The following C7orf78 variants were observed in gnomAD, a reference collection of about 807,000 sequenced individuals.
The protein encoded by C7orf78 is chromosome 7 open reading frame 78.
the C7orf78 span, chr7:12,496,365 T>G: frequency 2.6e-4 from 40 of 152,234 alleles, no homozygotes; most frequent in African/African-American, 9.6e-4. Context: ...TGTTTACATA[T>G]TAGAAAATTC....
At chr7:12,538,367 A>G in the C7orf78 span, 3 of 152,100 alleles carry the variant, frequency 2.0e-5, no homozygotes, top group Admixed American at 6.6e-5. Context: ...ACCTGTCTCA[A>G]TCACACTCCA....
At chr7:12,487,860 C>T in the C7orf78 span, among the ~76,000 whole-genome samples, 85,402 of 151,914 alleles carry the variant, frequency 0.56, 26,373 homozygotes, top group African/African-American at 0.81. Flanking sequence ...AATACTTGTG[C>T]AGTTATAACC....
At chr7:12,502,425 C>T in the C7orf78 span, among the ~76,000 whole-genome samples, 4 of 151,744 alleles carry the variant, frequency 2.6e-5, no homozygotes, top group African/African-American at 9.7e-5. Context: ...GGGTGAGGGA[C>T]ATGAACAGAC....
At chr7:12,511,303 G>A in the C7orf78 span, among the ~76,000 whole-genome samples, 24 of 152,200 alleles carry the variant, frequency 1.6e-4, no homozygotes, top group East Asian at 3.7e-3. Context: ...AATATGTTTT[G>A]AAGATAGGTA....
chr7:12,532,538 G>A, the C7orf78 span, among the ~76,000 whole-genome samples: 1 of 138,566 alleles, frequency 7.2e-6, no homozygotes, highest in Non-Finnish European at 1.5e-5. Context: ...GACAGAGTGA[G>A]ACTCTGTTTC....
the C7orf78 span, among the ~76,000 whole-genome samples, chr7:12,493,593 C>A: frequency 6.6e-6 from 1 of 152,120 alleles, no homozygotes; most frequent in African/African-American, 2.4e-5. Context: ...CTTTGAGAAC[C>A]GATTTAGTCA....
At chr7:12,537,458 A>G in the C7orf78 span, among the ~76,000 whole-genome samples, 2 of 152,228 alleles carry the variant, frequency 1.3e-5, no homozygotes, top group Non-Finnish European at 2.9e-5. Context: ...GTGGGGATAC[A>G]GCCAAACCAT....
chr7:12,520,317 A>G, the C7orf78 span, among the ~76,000 whole-genome samples: 1 of 152,266 alleles, frequency 6.6e-6, no homozygotes, highest in East Asian at 1.9e-4. Flanking sequence ...TCTAGTCAGC[A>G]TCTTGAAGCT....
At chr7:12,537,310 C>T in the C7orf78 span, among the ~76,000 whole-genome samples, 7 of 152,306 alleles carry the variant, frequency 4.6e-5, no homozygotes, top group East Asian at 1.4e-3. Context: ...TTTTTAAAGC[C>T]ATCAGATCTC....
chr7:12,539,459 G>A, the C7orf78 span, among the ~76,000 whole-genome samples: 1 of 152,128 alleles, frequency 6.6e-6, no homozygotes, highest in East Asian at 1.9e-4. Flanking sequence ...GTGAGACTCT[G>A]TCTCAAAAAA....
the C7orf78 span, among the ~76,000 whole-genome samples, chr7:12,487,443 C>A: frequency 2.8e-4 from 43 of 152,174 alleles, no homozygotes; most frequent in Non-Finnish European, 5.3e-4. Context: ...CAGTGCCTGG[C>A]GTCTGATCTC....
the C7orf78 span, among the ~76,000 whole-genome samples, chr7:12,516,508 G>C: frequency 6.6e-6 from 1 of 152,218 alleles, no homozygotes; most frequent in African/African-American, 2.4e-5. Flanking sequence ...TGGCCTACTA[G>C]AGCTATGAGA....
At chr7:12,493,350 T>G in the C7orf78 span, among the ~76,000 whole-genome samples, 1 of 152,328 alleles carries the variant, frequency 6.6e-6, no homozygotes, top group Non-Finnish European at 1.5e-5. Flanking sequence ...TGCAATGATT[T>G]GCTAACAGAT....
At chr7:12,506,254 G>A in the C7orf78 span, among the ~76,000 whole-genome samples, 115,228 of 152,034 alleles carry the variant, frequency 0.76, 43,715 homozygotes, top group East Asian at 0.93. Context: ...AGGATCTAGA[G>A]CTAGAAATAC....
At chr7:12,524,527 T>TATTTCC in the C7orf78 span, among the ~76,000 whole-genome samples, 1 of 152,116 alleles carries the variant, frequency 6.6e-6, no homozygotes, top group Non-Finnish European at 1.5e-5. Flanking sequence ...GTCATTTAAA[T>TATTTCC]ATTAAATGTT....
chr7:12,493,179 G>T, the C7orf78 span, among the ~76,000 whole-genome samples: 9 of 152,194 alleles, frequency 5.9e-5, no homozygotes, highest in Non-Finnish European at 1.2e-4. Flanking sequence ...CTGGGCGGCA[G>T]AGCAAGACCC....
At chr7:12,520,749 A>G in the C7orf78 span, among the ~76,000 whole-genome samples, 3 of 152,198 alleles carry the variant, frequency 2.0e-5, no homozygotes, top group Non-Finnish European at 4.4e-5. Context: ...TATTTGCTCT[A>G]GAATGCAGTT....
At chr7:12,500,972 A>G in the C7orf78 span, among the ~76,000 whole-genome samples, 1 of 151,694 alleles carries the variant, frequency 6.6e-6, no homozygotes, top group Non-Finnish European at 1.5e-5. Context: ...AGAGCCAAAG[A>G]CAAAAACCAC....
chr7:12,518,526 C>T, the C7orf78 span, among the ~76,000 whole-genome samples: 3 of 152,118 alleles, frequency 2.0e-5, no homozygotes, highest in African/African-American at 7.2e-5. Context: ...GAGCAGACCC[C>T]TCCCCGAGCT....
Sources: allele counts gnomAD v4.1 joint callset (sites outside exome capture counted in the v4.1 genomes callset), GRCh38; gene constraint gnomAD v4.1.1; transcripts MANE v1.5; gene names NCBI Gene and HGNC (gene_info 2026-07-23, HGNC 2026-07-21).